Variants in SHISA9 observed in about 807,000 individuals in gnomAD.
SHISA9 encodes the protein shisa family member 9.
Under a neutral mutation model 38.0 loss-of-function variants are expected in SHISA9, and 13 were observed. That is an observed-to-expected ratio of 0.34 (90% confidence interval 0.22 to 0.54). SHISA9 has a LOEUF of 0.54. Among genes scored for constraint, SHISA9 ranks in the 20% least tolerant of loss-of-function variants. SHISA9 has a pLI of 0.91. For missense variants in SHISA9, 538 were observed against 575.8 expected (o/e 0.93, Z 0.67); for synonymous variants, 275 against 242.0 (o/e 1.14, Z -1.27).
chr16:13,245,618 G>A, the SHISA9 span, among the ~76,000 whole-genome samples: 12 of 152,282 alleles, frequency 7.9e-5, no homozygotes, highest in African/African-American at 2.6e-4. Context: ...ACTCATAGAA[G>A]AAGAAACAGG....
intron 2 of SHISA9, among the ~76,000 whole-genome samples, chr16:13,103,033 T>C (rs183373336): frequency 1.3e-5 from 2 of 152,360 alleles, no homozygotes; most frequent in Admixed American, 1.3e-4. Flanking sequence ...TGTGCCAATC[T>C]CTTTGAACAC....
the SHISA9 span, among the ~76,000 whole-genome samples, chr16:13,382,430 G>C: frequency 1.3e-5 from 2 of 151,348 alleles, no homozygotes; most frequent in Non-Finnish European, 2.9e-5. Context: ...TGGGAGCCTG[G>C]GTCAGGGGAG....
the SHISA9 span, among the ~76,000 whole-genome samples, chr16:13,368,386 G>A: frequency 1.6e-4 from 25 of 152,116 alleles, no homozygotes; most frequent in East Asian, 3.9e-3. Flanking sequence ...ACACAGTATC[G>A]CTACTATATT....
At chr16:13,253,813 C>A in the SHISA9 span, among the ~76,000 whole-genome samples, 1 of 152,118 alleles carries the variant, frequency 6.6e-6, no homozygotes, top group African/African-American at 2.4e-5. Context: ...TATGAAACGT[C>A]CCCATAAGGT....
At position 12,960,347 on chromosome 16, in the gene SHISA9, G is replaced by A. The variant is rs569664360; in HGVS notation, c.691+43532G>A. Among the ~76,000 whole-genome samples the A allele has an allele frequency of 3.9e-5, 6 of 152,070 alleles. No homozygotes were observed. The East Asian group carries it at 1.2e-3, about 29-fold the overall frequency. On this transcript the variant is annotated intron_variant, in intron 2 of 4. Coordinates refer to ENST00000558583, the MANE Select transcript of SHISA9 (RefSeq NM_001145204.3). ...GCAGGATGTGCAGGTTTGTTATGTG[G>A]GTAAATGTGTGCCATTGTCAAAGAT...
chr16:13,210,758 A>T (rs1223594022), intron 3 of SHISA9, among the ~76,000 whole-genome samples: 1 of 152,212 alleles, frequency 6.6e-6, no homozygotes, highest in Non-Finnish European at 1.5e-5. Context: ...AGATGGGGAA[A>T]CAAGCTTAGC....
the SHISA9 span, among the ~76,000 whole-genome samples, chr16:13,256,500 G>A: frequency 6.6e-5 from 10 of 152,110 alleles, no homozygotes; most frequent in African/African-American, 2.4e-4. Context: ...GGCTGGTCTC[G>A]AACTCCCAAC....
intron 1 of SHISA9, chr16:12,909,535 T>G (rs1443518017): frequency 1.0e-6 from 1 of 985,312 alleles, no homozygotes; most frequent in Admixed American, 6.2e-5. Context: ...AGAAAAGAGA[T>G]GCACCATTTT....
intron 2 of SHISA9, among the ~76,000 whole-genome samples, chr16:13,128,249 C>T (rs2050278161): frequency 6.6e-6 from 1 of 152,126 alleles, no homozygotes; most frequent in Non-Finnish European, 1.5e-5. Flanking sequence ...AGACAGGTGA[C>T]ATATTTTTGG....
chr16:13,219,850 C>T (rs1349102165), intron 4 of SHISA9, among the ~76,000 whole-genome samples: 1 of 152,114 alleles, frequency 6.6e-6, no homozygotes, highest in East Asian at 1.9e-4. Context: ...CTCAGCTACT[C>T]AGGAGGCTGA....
chr16:13,556,800 A>C, the SHISA9 span, among the ~76,000 whole-genome samples: 4 of 152,196 alleles, frequency 2.6e-5, no homozygotes, highest in Admixed American at 6.5e-5. Context: ...ATATAACAAC[A>C]AAAAAATACA....
the SHISA9 span, among the ~76,000 whole-genome samples, chr16:13,415,633 A>G: frequency 6.6e-6 from 1 of 152,318 alleles, no homozygotes; most frequent in South Asian, 2.1e-4. Flanking sequence ...GACAAAAAGG[A>G]ATGAAATGAT....
At chr16:13,051,611 C>G (rs1275348610) in intron 2 of SHISA9, among the ~76,000 whole-genome samples, 1 of 152,060 alleles carries the variant, frequency 6.6e-6, no homozygotes, top group Non-Finnish European at 1.5e-5. Flanking sequence ...AACCATTGTG[C>G]TAGGTAGGGC....
rs77021780 is a variant in SHISA9, at chr16:13,102,664, C to A, written c.692-100730C>A. On this transcript the variant is annotated intron_variant, in intron 2 of 4. Transcript: ENST00000558583. The stretch of plus-strand genomic sequence containing the variant: ...TTCCTCCTTTTGTCCTCCCTCTAGA[C>A]TCCCCTCTCCTTCCCCACACCATCC... 3.5e-3 allele frequency among the ~76,000 whole-genome samples: 532 copies of A among 152,238 alleles called. 21 individuals carry two copies. The East Asian group carries it at 0.082, about 24-fold the overall frequency.
At chr16:13,479,987 T>G in the SHISA9 span, among the ~76,000 whole-genome samples, 8 of 152,226 alleles carry the variant, frequency 5.3e-5, no homozygotes, top group Non-Finnish European at 1.0e-4. Flanking sequence ...ACTTACTAGC[T>G]GCATTGGTTT....
intron 2 of SHISA9, among the ~76,000 whole-genome samples, chr16:13,046,132 C>T (rs2073186222): frequency 6.8e-6 from 1 of 146,582 alleles, no homozygotes; most frequent in East Asian, 2.0e-4. Flanking sequence ...CCTGCCTCTC[C>T]TTGGGAAAAG....
the SHISA9 span, among the ~76,000 whole-genome samples, chr16:13,558,242 A>G: frequency 2.0e-5 from 3 of 152,196 alleles, no homozygotes; most frequent in Non-Finnish European, 4.4e-5. Context: ...AGTGGTTGAC[A>G]ATTCTCTAAA....
At chr16:13,495,113 T>A in the SHISA9 span, among the ~76,000 whole-genome samples, 1 of 152,208 alleles carries the variant, frequency 6.6e-6, no homozygotes, top group African/African-American at 2.4e-5. Flanking sequence ...GGTACCTTTA[T>A]GATGATGACA....
the SHISA9 span, among the ~76,000 whole-genome samples, chr16:13,491,393 T>A: frequency 2.6e-5 from 4 of 152,158 alleles, no homozygotes; most frequent in African/African-American, 9.6e-5. Flanking sequence ...TTTTTTTTTT[T>A]TTTTTAACCT....
Sources: allele counts gnomAD v4.1 joint callset (sites outside exome capture counted in the v4.1 genomes callset), GRCh38; gene constraint gnomAD v4.1.1; transcripts MANE v1.5; gene names NCBI Gene and HGNC (gene_info 2026-07-23, HGNC 2026-07-21).